SLIT3: variants seen among roughly 807,000 people sequenced by gnomAD.
SLIT3 encodes the protein slit homolog 3 protein.
SLIT3 carries 68 observed loss-of-function variants against 184.0 expected under a neutral mutation model. That is an observed-to-expected ratio of 0.37 (90% CI 0.30 to 0.45). The LOEUF (loss-of-function observed/expected upper bound fraction) is 0.45, where lower values mean the gene tolerates loss of function less well. Ranked by LOEUF, SLIT3 falls within the 20% of genes least tolerant of loss-of-function variation. The pLI is 1.00. For missense variants in SLIT3, 1,707 were observed against 2,026.0 expected (o/e 0.84, Z 3.02); for synonymous variants, 831 against 828.6 (o/e 1.00, Z -0.05).
At chr5:169,014,096 A>AAGGCAGACAGGC (rs1554090191) in intron 4 of SLIT3, among the ~76,000 whole-genome samples, 1 of 150,216 alleles carries the variant, frequency 6.7e-6, no homozygotes, top group Non-Finnish European at 1.5e-5. Context: ...TGTGGGAAGG[A>AAGGCAGACAGGC]AGGCAGGCAG....
intron 4 of SLIT3, among the ~76,000 whole-genome samples, chr5:168,950,239 C>T (rs897988932): frequency 1.3e-5 from 2 of 152,086 alleles, no homozygotes; most frequent in Admixed American, 6.5e-5. Flanking sequence ...AGCTGGAAGG[C>T]ACCTTCTATG....
rs945179217 is a variant in SLIT3 at position 169,231,375 on chromosome 5, C to T, written c.341+13330G>A. On this transcript the variant is annotated intron_variant, in intron 3 of 35. Coordinates refer to ENST00000519560, the MANE Select transcript of SLIT3 (RefSeq NM_003062.4). ...TAGTGCCCCTCTCCATTCGCAACTCCCCATTGCTTAACACCACCTCGGCTT... is the reference window on the plus strand; with the variant it reads ...TAGTGCCCCTCTCCATTCGCAACTCTCCATTGCTTAACACCACCTCGGCTT... Among the ~76,000 whole-genome samples, 50 of 152,136 alleles carry T rather than the reference C, an allele frequency of 3.3e-4. 2 individuals are homozygous for T. Among genetic ancestry groups the T allele is most frequent in the Non-Finnish European group, 5.9e-5 (4 of 68,040 alleles).
chr5:168,732,209 G>GACAAAA (rs1160283203), intron 20 of SLIT3, among the ~76,000 whole-genome samples: 2 of 151,538 alleles, frequency 1.3e-5, no homozygotes, highest in Non-Finnish European at 3.0e-5. Context: ...CTAAGACAAG[G>GACAAAA]ACAAAAACAA....
intron 27 of SLIT3, among the ~76,000 whole-genome samples, chr5:168,698,309 A>T (rs555577136): frequency 2.0e-5 from 3 of 152,338 alleles, no homozygotes; most frequent in South Asian, 4.1e-4. Flanking sequence ...AGATGTAATT[A>T]GTTAAGTTGA....
At chr5:168,803,202 C>A (rs750560958) in intron 9 of SLIT3, among the ~76,000 whole-genome samples, 3 of 152,200 alleles carry the variant, frequency 2.0e-5, no homozygotes, top group Non-Finnish European at 4.4e-5. Context: ...CACACAGAGA[C>A]TACTCTGTCT....
At chr5:169,123,496 C>A (rs1014027649) in intron 4 of SLIT3, among the ~76,000 whole-genome samples, 1 of 152,088 alleles carries the variant, frequency 6.6e-6, no homozygotes, top group East Asian at 1.9e-4. Context: ...AAGCGCAAAC[C>A]ATAGCCAATG....
intron 4 of SLIT3, among the ~76,000 whole-genome samples, chr5:168,886,236 T>G (rs1035386795): frequency 4.6e-5 from 7 of 152,320 alleles, no homozygotes; most frequent in Middle Eastern, 3.4e-3. Flanking sequence ...GACTGTATAT[T>G]GATTTCATAA....
intron 4 of SLIT3, among the ~76,000 whole-genome samples, chr5:169,164,254 A>G (rs1406621613): frequency 6.6e-6 from 1 of 152,158 alleles, no homozygotes; most frequent in Non-Finnish European, 1.5e-5. Flanking sequence ...AGCCAATGGG[A>G]GGGAAAATGG....
At chr5:169,276,985 G>A (rs1339881106) in intron 1 of SLIT3, among the ~76,000 whole-genome samples, 1 of 152,110 alleles carries the variant, frequency 6.6e-6, no homozygotes, top group East Asian at 1.9e-4. Flanking sequence ...ACAATGTGGT[G>A]CAACCATCAC....
Position 168,795,592 on chromosome 5 carries a change from CAGAGA to C in SLIT3, c.936-19_936-15del, listed in dbSNP as rs1561937442. The C allele has an allele frequency of 6.2e-7, 1 of 1,607,876 alleles. No homozygotes were observed. Among genetic ancestry groups the C allele is most frequent in the Admixed American group, 1.7e-5 (1 of 60,018 alleles). On this transcript the variant is annotated splice_polypyrimidine_tract_variant and intron_variant, in intron 9 of 35. Transcript: ENST00000519560. ...TGTTCTAGGCGTCTGGGAAACAGAG[CAGAGA>C]AGAGTGAATTAACCATCCACCTGTC...
chr5:169,137,506 C>T (rs1205577993), intron 4 of SLIT3, among the ~76,000 whole-genome samples: 1 of 151,980 alleles, frequency 6.6e-6, no homozygotes, highest in Admixed American at 6.5e-5. Flanking sequence ...GGATCTTAGA[C>T]CACCTTCTCT....
At chr5:169,142,332 G>A (rs1268426639) in intron 4 of SLIT3, among the ~76,000 whole-genome samples, 1 of 152,160 alleles carries the variant, frequency 6.6e-6, no homozygotes, top group African/African-American at 2.4e-5. Context: ...GGTAAAAACA[G>A]GGCTCTGGGT....
chr5:168,778,749 G>A (rs1755856656), intron 12 of SLIT3, among the ~76,000 whole-genome samples: 1 of 152,226 alleles, frequency 6.6e-6, no homozygotes, highest in Non-Finnish European at 1.5e-5. Context: ...TAGCACACAA[G>A]GTGGGATGTC....
At chr5:168,805,012 T>G (rs1712351706) in intron 9 of SLIT3, among the ~76,000 whole-genome samples, 1 of 152,238 alleles carries the variant, frequency 6.6e-6, no homozygotes, top group Non-Finnish European at 1.5e-5. Flanking sequence ...AGCCATTTGG[T>G]TCTCTCGCTT....
intron 6 of SLIT3, among the ~76,000 whole-genome samples, chr5:168,832,612 T>C (rs747766780): frequency 2.0e-5 from 3 of 152,238 alleles, no homozygotes; most frequent in Non-Finnish European, 4.4e-5. Flanking sequence ...AGGCTTGTCA[T>C]ATAAGTGAGT....
At chr5:169,281,957 A>G (rs1415844461) in intron 1 of SLIT3, among the ~76,000 whole-genome samples, 1 of 152,262 alleles carries the variant, frequency 6.6e-6, no homozygotes, top group Non-Finnish European at 1.5e-5. Flanking sequence ...TCTAAGAAGA[A>G]GAGGTCAGAA....
intron 3 of SLIT3, among the ~76,000 whole-genome samples, chr5:169,222,976 G>T (rs1191068929): frequency 3.3e-5 from 5 of 152,176 alleles, no homozygotes; most frequent in Non-Finnish European, 7.4e-5. Flanking sequence ...CTTCTCACCG[G>T]AGAAACTAGA....
chr5:168,940,058 G>A (rs770088387), intron 4 of SLIT3, among the ~76,000 whole-genome samples: 10 of 152,194 alleles, frequency 6.6e-5, no homozygotes, highest in Non-Finnish European at 1.2e-4. Flanking sequence ...TACAGTCGGG[G>A]AGGATAAAAG....
intron 4 of SLIT3, among the ~76,000 whole-genome samples, chr5:169,187,012 ATTT>A (rs10600631): frequency 6.8e-5 from 10 of 147,796 alleles, no homozygotes; most frequent in Middle Eastern, 3.5e-3. Flanking sequence ...CCTCAGTGGC[ATTT>A]TTTTTTTTTA....
Sources: gnomAD v4.1 joint callset for allele counts (sites outside exome capture counted in the v4.1 genomes callset) on GRCh38, gnomAD v4.1.1 for gene constraint, MANE v1.5 for transcripts, NCBI Gene and HGNC (gene_info 2026-07-23, HGNC 2026-07-21) for gene names.